The following IQSEC1 variants were observed in gnomAD, a reference collection of about 807,000 sequenced individuals.
IQSEC1 encodes the protein IQ motif and Sec7 domain ArfGEF 1, also known as IQ motif and SEC7 domain-containing protein 1.
IQSEC1 carries 31 observed loss-of-function variants against 91.0 expected under a neutral mutation model. The ratio of observed to expected loss-of-function variants is 0.34; its 90% CI spans 0.26 to 0.46. The LOEUF (loss-of-function observed/expected upper bound fraction) is 0.46, where lower values mean the gene tolerates loss of function less well. Ranked by LOEUF, IQSEC1 falls within the 20% of genes least tolerant of loss-of-function variation. The pLI, the probability that IQSEC1 is intolerant of heterozygous loss-of-function variation, is 1.00. For synonymous variants in IQSEC1, 699 were observed against 662.6 expected, an observed-to-expected ratio of 1.05 and a Z score of -0.84; for missense variants, 1,388 against 1,575.6, an observed-to-expected ratio of 0.88 and a Z score of 2.02.
chr3:13,093,822 C>T lies in IQSEC1; in HGVS notation c.303-46300G>A, dbSNP rs538511973. On this transcript the variant is annotated intron_variant, in intron 2 of 15. Coordinates refer to the IQSEC1 transcript ENST00000648114. ...CCACGTGACTCCGCTAGGTCTCCCCCTGTCCGTTCTCAGCACCCTCTAGGT... is the reference window on the plus strand; with the variant it reads ...CCACGTGACTCCGCTAGGTCTCCCCTTGTCCGTTCTCAGCACCCTCTAGGT... Among the ~76,000 whole-genome samples the T allele has an allele frequency of 7.2e-5, 11 of 152,314 alleles. No homozygotes were observed. In the East Asian group the frequency reaches 9.7e-4, roughly 13 times the overall value.
At chr3:13,230,110 A>G (rs1195677301) in intron 1 of IQSEC1, among the ~76,000 whole-genome samples, 1 of 152,250 alleles carries the variant, frequency 6.6e-6, no homozygotes, top group African/African-American at 2.4e-5. Flanking sequence ...TTTGTAAGTG[A>G]TGATTCCAGC....
chr3:12,898,950 A>G lies in IQSEC1; in HGVS notation c.*2033T>C, dbSNP rs1693926990. 1 of 163,912 alleles carries G rather than the reference A, an allele frequency of 6.1e-6. No homozygotes were observed. The highest frequency in any genetic ancestry group is 2.4e-5 in the African/African-American group (1 of 41,838). 10.2% of individuals were successfully genotyped at this position (163,912 alleles called of 1,614,324 possible). A position where few individuals can be genotyped will look rare whatever the true frequency, so the allele number is the denominator to read the frequency against. On this transcript the variant is annotated 3_prime_UTR_variant, in exon 14 of 14. Transcript: ENST00000613206. ...CACCAGGGCGCTTCCCTGACAGCCC[A>G]GCCTGGACCCAATCACACGGTCCCA...
At position 13,034,804 on chromosome 3, in the gene IQSEC1, T is replaced by C. The variant is rs556601630; in HGVS notation, c.23+38188A>G. Among the ~76,000 whole-genome samples the C allele has an allele frequency of 3.6e-4, 55 of 152,276 alleles. 1 individual carries two copies. The highest frequency in any genetic ancestry group is 1.3e-3 in the African/African-American group (55 of 41,552). On this transcript the variant is annotated intron_variant, in intron 1 of 13. Coordinates refer to ENST00000613206, the MANE Select transcript of IQSEC1 (RefSeq NM_001134382.3). ...TCTCACCTGCACCGGCTCCTGAATC[T>C]CACCAGCCCAACAGAAGTGTCTGAG...
In IQSEC1 at chr3:13,073,065, C is replaced by T. The variant is rs1190863063; in HGVS notation, c.-51G>A. ...TCTGGCTCCCTCTCCAGCGGGGAGG[C>T]TCAACGTGTTTCCAAGAGGAGCAGG... On this transcript the variant is annotated 5_prime_UTR_variant, in exon 1 of 14. Transcript: ENST00000613206. The T allele has an allele frequency of 1.9e-6, 3 of 1,550,996 alleles. No homozygotes were observed. In the African/African-American group the frequency reaches 4.1e-5, roughly 21 times the overall value.
intron 1 of IQSEC1, among the ~76,000 whole-genome samples, chr3:13,224,179 C>A (rs1317432492): frequency 6.6e-6 from 1 of 152,052 alleles, no homozygotes; most frequent in African/African-American, 2.4e-5. Context: ...CCACAGGGGC[C>A]GTTAGAGCCG....
Position 12,900,658 on chromosome 3 carries a change from A to C in IQSEC1, c.*325T>G. ...TTTTCATATGCATGTACATTAGGGC[A>C]CAGGGAGCTGAGAGCTGGAGTGGGG... On this transcript the variant is annotated 3_prime_UTR_variant, in exon 14 of 14. Transcript: ENST00000613206. The C allele has an allele frequency of 1.6e-6, 2 of 1,255,642 alleles. No homozygotes were observed. The highest frequency in any genetic ancestry group is 2.0e-6 in the Non-Finnish European group (2 of 994,456). The allele number at this position is 1,255,642 out of a possible 1,614,324, so 77.8% of individuals were successfully genotyped here.
At chr3:13,142,486 C>A (rs1314009134) in intron 2 of IQSEC1, among the ~76,000 whole-genome samples, 11 of 152,196 alleles carry the variant, frequency 7.2e-5, no homozygotes. Flanking sequence ...GGCTTCCCAG[C>A]CCCACTGATC....
chr3:12,912,458 G>A (rs1695650628), intron 9 of IQSEC1, among the ~76,000 whole-genome samples: 1 of 152,282 alleles, frequency 6.6e-6, no homozygotes, highest in Middle Eastern at 3.4e-3. Context: ...CTTCATAAAG[G>A]ATTTGAACTT....
At chr3:13,218,752 T>C (rs1167107560) in intron 1 of IQSEC1, among the ~76,000 whole-genome samples, 1 of 152,080 alleles carries the variant, frequency 6.6e-6, no homozygotes. Flanking sequence ...CTGCAGGCAA[T>C]GGGGGAGCCA....
intron 1 of IQSEC1, chr3:12,960,772 C>G (rs1277006630): frequency 6.6e-6 from 1 of 152,262 alleles, no homozygotes; most frequent in Non-Finnish European, 1.5e-5. Flanking sequence ...GCCCCAGTCT[C>G]AATCTTGTGC....
chr3:13,140,008 G>T (rs565497439), intron 2 of IQSEC1, among the ~76,000 whole-genome samples: 4 of 152,290 alleles, frequency 2.6e-5, no homozygotes, highest in Non-Finnish European at 4.4e-5. Context: ...GGCTCACTCT[G>T]CTCCCAGCTG....
At chr3:12,961,488 A>T (rs1041225265) in intron 1 of IQSEC1, among the ~76,000 whole-genome samples, 2 of 152,230 alleles carry the variant, frequency 1.3e-5, no homozygotes, top group Non-Finnish European at 2.9e-5. Flanking sequence ...AGCACAAGCT[A>T]AAGTCCATGG....
intron 2 of IQSEC1, among the ~76,000 whole-genome samples, chr3:13,108,125 G>A (rs748523716): frequency 1.3e-5 from 2 of 152,244 alleles, no homozygotes; most frequent in East Asian, 1.9e-4. Flanking sequence ...TTGTTTTTCC[G>A]TAATTGATGT....
At chr3:13,236,059 G>A (rs906608530) in intron 1 of IQSEC1, among the ~76,000 whole-genome samples, 22 of 152,172 alleles carry the variant, frequency 1.4e-4, no homozygotes. Context: ...TTACGAGATA[G>A]ATGTATGAAT....
chr3:13,148,149 G>A (rs959711499), intron 2 of IQSEC1, among the ~76,000 whole-genome samples: 1 of 152,122 alleles, frequency 6.6e-6, no homozygotes, highest in Non-Finnish European at 1.5e-5. Flanking sequence ...TTTTAATAAT[G>A]ACCTTGGGTA....
intron 1 of IQSEC1, among the ~76,000 whole-genome samples, chr3:13,218,197 A>G (rs1694586180): frequency 6.6e-6 from 1 of 152,124 alleles, no homozygotes; most frequent in African/African-American, 2.4e-5. Flanking sequence ...TTCCTTCCAC[A>G]TGCACCTATG....
At chr3:13,105,738 C>G (rs1031376985) in intron 2 of IQSEC1, among the ~76,000 whole-genome samples, 2 of 152,096 alleles carry the variant, frequency 1.3e-5, no homozygotes, top group Admixed American at 6.5e-5. Flanking sequence ...CCTCCCTCCT[C>G]GTGAAGAGTA....
intron 1 of IQSEC1, among the ~76,000 whole-genome samples, chr3:12,966,551 C>T (rs924573729): frequency 1.3e-5 from 2 of 152,194 alleles, no homozygotes; most frequent in East Asian, 3.8e-4. Context: ...CACTCCCTTT[C>T]TCCCTTTCTC....
chr3:13,189,549 G>A (rs1478544771), intron 1 of IQSEC1, among the ~76,000 whole-genome samples: 1 of 152,116 alleles, frequency 6.6e-6, no homozygotes, highest in Non-Finnish European at 1.5e-5. Flanking sequence ...TTCCCCAGAG[G>A]CAACCCCACA....
Sources: allele counts gnomAD v4.1 joint callset (sites outside exome capture counted in the v4.1 genomes callset), GRCh38; gene constraint gnomAD v4.1.1; transcripts MANE v1.5; gene names NCBI Gene and HGNC (gene_info 2026-07-23, HGNC 2026-07-21).